Variants in HECTD2 observed in about 807,000 individuals in gnomAD.
HECTD2 encodes the protein probable E3 ubiquitin-protein ligase HECTD2.
In HECTD2, 35 loss-of-function variants were observed where a neutral mutation model predicts 103.2. The observed-to-expected ratio is 0.34, with a 90% CI of 0.26 to 0.45. The LOEUF (loss-of-function observed/expected upper bound fraction) is 0.45, where lower values mean the gene tolerates loss of function less well. HECTD2 is among the 20% of genes least tolerant of loss of function. The probability of loss-of-function intolerance (pLI) is 1.00; values close to 1 mark genes in which losing one functional copy is unlikely to be tolerated. For synonymous variants in HECTD2, 281 were observed against 329.9 expected, an observed-to-expected ratio of 0.85 and a Z score of 1.61; for missense variants, 596 against 937.4, an observed-to-expected ratio of 0.64 and a Z score of 4.76.
chr10:91,436,908 T>G (rs947944587), intron 2 of HECTD2, among the ~76,000 whole-genome samples: 2 of 152,054 alleles, frequency 1.3e-5, no homozygotes, highest in East Asian at 3.9e-4. Flanking sequence ...TTTGTCCTTA[T>G]AGACTTATAT....
At chr10:91,426,986 G>A in intron 2 of HECTD2, among the ~76,000 whole-genome samples, 1 of 137,570 alleles carries the variant, frequency 7.3e-6, no homozygotes, top group African/African-American at 2.8e-5. Flanking sequence ...ATCTCCTAAT[G>A]CTATCCCTCC....
intron 5 of HECTD2, among the ~76,000 whole-genome samples, chr10:91,475,200 A>G (rs1845860017): frequency 6.6e-6 from 1 of 152,226 alleles, no homozygotes; most frequent in Non-Finnish European, 1.5e-5. Context: ...GTCAAGAGAA[A>G]GGAGTTAGGA....
chr10:91,427,531 A>G (rs1441282860), intron 2 of HECTD2, among the ~76,000 whole-genome samples: 1 of 152,120 alleles, frequency 6.6e-6, no homozygotes, highest in Admixed American at 6.5e-5. Flanking sequence ...TGACTTTTTA[A>G]TGATTGCCAT....
At position 91,512,328 on chromosome 10, in the gene HECTD2, C is replaced by T; in HGVS notation, c.2275C>T (p.Leu759=). The change falls in exon 21 of 21, where the codon CTG becomes TTG. Residue 759 remains leucine, a synonymous_variant. Transcript: ENST00000298068. ...TCCCCCCTACAAGAGCAAAAAGGATCTGAAACAGAAATTGATCATTGGAAT... is the reference window on the plus strand; with the variant it reads ...TCCCCCCTACAAGAGCAAAAAGGATTTGAAACAGAAATTGATCATTGGAAT... ...CLPPYKSKKD[L]KQKLIIGISN... 1 of 1,613,458 alleles carries T rather than the reference C, an allele frequency of 6.2e-7. No individual in the cohort carries two copies. The highest frequency in any genetic ancestry group is 8.5e-7 in the Non-Finnish European group (1 of 1,179,612).
intron 1 of HECTD2, among the ~76,000 whole-genome samples, chr10:91,424,319 C>G (rs1264484032): frequency 6.6e-6 from 1 of 152,038 alleles, no homozygotes; most frequent in Non-Finnish European, 1.5e-5. Context: ...AATGCTTCTG[C>G]TATATTATAT....
At chr10:91,470,498 A>G (rs1420409278) in intron 5 of HECTD2, among the ~76,000 whole-genome samples, 2 of 152,210 alleles carry the variant, frequency 1.3e-5, no homozygotes, top group Non-Finnish European at 2.9e-5. Flanking sequence ...AAATGTATCG[A>G]AACTAATGAG....
chr10:91,432,697 G>A (rs1243762969), intron 2 of HECTD2, among the ~76,000 whole-genome samples: 3 of 151,902 alleles, frequency 2.0e-5, no homozygotes, highest in African/African-American at 7.2e-5. Flanking sequence ...AGCCTAGGTA[G>A]TTCAGAAAAG....
In HECTD2 at chr10:91,510,145, G is replaced by A. The variant is rs375175715; in HGVS notation, c.2211-2119G>A. The stretch of plus-strand genomic sequence containing the variant: ...TTCTCCCAGTGCCTCTTAGAATAAA[G>A]TCCATGGAGAAAATAATCTTCAGTC... On this transcript the variant is annotated intron_variant, in intron 20 of 20. Transcript: ENST00000298068. Among the ~76,000 whole-genome samples the A allele has an allele frequency of 1.6e-4, 24 of 152,232 alleles. No homozygotes were observed. The East Asian group carries it at 2.5e-3, about 16-fold the overall frequency.
intron 2 of HECTD2, among the ~76,000 whole-genome samples, chr10:91,436,515 T>G (rs761124941): frequency 3.0e-4 from 45 of 152,134 alleles, no homozygotes; most frequent in Non-Finnish European, 5.7e-4. Context: ...ACTGCCACTA[T>G]GTCTTGGTAT....
intron 2 of HECTD2, among the ~76,000 whole-genome samples, chr10:91,458,631 A>G (rs773852550): frequency 6.6e-6 from 1 of 152,016 alleles, no homozygotes; most frequent in Non-Finnish European, 1.5e-5. Context: ...AAGCAATTCA[A>G]TGAAGGAAAA....
At position 91,507,965 on chromosome 10, in the gene HECTD2, C is replaced by T. The variant is rs1184206199; in HGVS notation, c.2211-4299C>T. 3.6e-5 allele frequency among the ~76,000 whole-genome samples: 5 copies of T among 138,708 alleles called. 1 individual carries two copies. Among genetic ancestry groups the T allele is most frequent in the African/African-American group, 1.4e-4 (4 of 29,180 alleles). 91.0% of individuals were successfully genotyped at this position (138,708 alleles called of 152,430 possible). On this transcript the variant is annotated intron_variant, in intron 20 of 20. Transcript: ENST00000298068. ...CAGAACAGAGCCCTCAGAAATAATG[C>T]CGCATATGTACAACTATCTGATCTT... is the stretch of plus-strand genomic sequence containing the variant.
At position 91,462,146 on chromosome 10, in the gene HECTD2, A is replaced by G; in HGVS notation, c.562A>G (p.Lys188Glu). 6.3e-7 allele frequency: 1 copy of G among 1,594,262 alleles called. No individual in the cohort carries two copies. Among genetic ancestry groups the G allele is most frequent in the Non-Finnish European group, 8.6e-7 (1 of 1,163,714 alleles). ...CATTGAAGACTCTGGGATTAATGCT[A>G]AATTTGTGAATGCTGTGTATGATAC... ...NTIEDSGINA[K>E]FVNAVYDTLL... is the part of the protein sequence containing the mutation. Residue 188 changes from lysine to glutamate, a missense_variant, in exon 5 of 21, where the codon AAA becomes GAA. Coordinates refer to ENST00000298068, the MANE Select transcript of HECTD2 (RefSeq NM_182765.6).
At chr10:91,489,590 T>G (rs190715200) in intron 11 of HECTD2, 1 of 152,288 alleles carries the variant, frequency 6.6e-6, no homozygotes, top group East Asian at 1.9e-4. Flanking sequence ...ATTTGTTTAT[T>G]AGTTATTTCC....
intron 10 of HECTD2, 136 bp downstream of exon 10, chr10:91,485,439 TATC>T (rs1303155167): frequency 6.9e-6 from 4 of 576,518 alleles, no homozygotes; most frequent in African/African-American, 2.0e-5. Context: ...AGCCTTGAAA[TATC>T]ATATTTATTA....
chr10:91,460,322 C>G (rs1845290823), intron 2 of HECTD2, 105 bp from the exon 3 acceptor site: 12 of 1,037,780 alleles, frequency 1.2e-5, no homozygotes, highest in Non-Finnish European at 1.7e-5. Context: ...GAATGTAATA[C>G]AAAATAATTC....
chr10:91,476,735 GC>G (rs1328128704), intron 5 of HECTD2, among the ~76,000 whole-genome samples: 10 of 152,146 alleles, frequency 6.6e-5, no homozygotes, highest in Non-Finnish European at 1.0e-4. Context: ...CTCAATGAGG[GC>G]AAAGGGCGAG....
chr10:91,421,146 A>G (rs1029032638), intron 1 of HECTD2, among the ~76,000 whole-genome samples: 4 of 152,078 alleles, frequency 2.6e-5, no homozygotes, highest in Non-Finnish European at 2.9e-5. Flanking sequence ...AGTCCGTGCC[A>G]CCACCATTAC....
intron 5 of HECTD2, chr10:91,464,645 T>C (rs1482286725): frequency 1.3e-5 from 2 of 157,538 alleles, no homozygotes; most frequent in Non-Finnish European, 1.4e-5. Flanking sequence ...TGAGTATTTC[T>C]CTTTACTATT....
At chr10:91,503,880 T>G (rs1263159580) in intron 20 of HECTD2, among the ~76,000 whole-genome samples, 2 of 152,236 alleles carry the variant, frequency 1.3e-5, no homozygotes, top group African/African-American at 4.8e-5. Context: ...TGTCCCTGTC[T>G]GACAGCTTTG....
Sources: gnomAD v4.1 joint callset for allele counts (sites outside exome capture counted in the v4.1 genomes callset) on GRCh38, gnomAD v4.1.1 for gene constraint, MANE v1.5 for transcripts, NCBI Gene and HGNC (gene_info 2026-07-23, HGNC 2026-07-21) for gene names.